The following FAM228B variants were observed in gnomAD, a reference collection of about 807,000 sequenced individuals.
The protein encoded by FAM228B is family with sequence similarity 228 member B.
FAM228B carries 38 observed loss-of-function variants against 42.6 expected under a neutral mutation model. That is an observed-to-expected ratio of 0.89 (90% CI 0.69 to 1.17). FAM228B has a LOEUF of 1.17. FAM228B is among the 50% of genes most tolerant of loss of function. The pLI is 0.00. For synonymous variants in FAM228B, 109 were observed against 122.3 expected (o/e 0.89, Z 0.72); for missense variants, 344 against 367.3 (o/e 0.94, Z 0.52).
chr2:24,123,533 G>T lies in FAM228B; in HGVS notation c.-33G>T, dbSNP rs754154709. On this transcript the variant is annotated splice_region_variant and 5_prime_UTR_variant, in exon 1 of 11. Coordinates refer to ENST00000615575, the MANE Select transcript of FAM228B (RefSeq NM_001145710.2). ...TCGCGCGGCGCTGCGTCCGGGAGAC[G>T]GTGGGCGCCAACATTCGCGCGTTCC... 1 of 152,164 alleles carries T rather than the reference G, an allele frequency of 6.6e-6. No individual in the cohort carries two copies. The highest frequency in any genetic ancestry group is 1.5e-5 in the Non-Finnish European group (1 of 68,026). The allele number at this position is 152,164 out of a possible 1,614,324, so 9.4% of individuals were successfully genotyped here.
intron 2 of FAM228B, among the ~76,000 whole-genome samples, chr2:24,094,888 T>C (rs921462542): frequency 4.6e-5 from 7 of 151,842 alleles, no homozygotes; most frequent in African/African-American, 1.7e-4. Context: ...AGTTCAGGAG[T>C]TGGAGACCAG....
rs1236473184 is a variant in FAM228B at position 24,080,226 on chromosome 2, G to A, written c.-289-650G>A. Among the ~76,000 whole-genome samples the A allele has an allele frequency of 6.6e-6, 1 of 152,020 alleles. No individual in the cohort carries two copies. The highest frequency in any genetic ancestry group is 1.5e-5 in the Non-Finnish European group (1 of 68,004). On this transcript the variant is annotated intron_variant, in intron 1 of 10. Transcript: ENST00000613899. This position sits in a 1 kb window ranked among gnomAD's most constrained non-coding sequence, Gnocchi z 4.7. Reference sequence around the variant, plus strand: ...ACAAAAATTAGCTGGGCGTGGTGGTGCGCCTGTGATCTCAGCTACTCAGGA... The same window carrying A: ...ACAAAAATTAGCTGGGCGTGGTGGTACGCCTGTGATCTCAGCTACTCAGGA...
chr2:24,094,559 A>G (rs921483646), intron 2 of FAM228B, among the ~76,000 whole-genome samples: 1 of 152,046 alleles, frequency 6.6e-6, no homozygotes, highest in Admixed American at 6.6e-5. Context: ...ATCATAACTC[A>G]CTGTAACCTC....
chr2:24,121,883 T>A (rs533920529), upstream of FAM228B, among the ~76,000 whole-genome samples: 29 of 152,360 alleles, frequency 1.9e-4, no homozygotes, highest in African/African-American at 6.5e-4. Flanking sequence ...CTTTCACAGA[T>A]GACCAGTCTT....
intron 2 of FAM228B, among the ~76,000 whole-genome samples, chr2:24,126,210 G>T (rs958842827): frequency 3.3e-5 from 5 of 152,088 alleles, no homozygotes; most frequent in African/African-American, 1.2e-4. Flanking sequence ...TGGGTCATAT[G>T]GTAAATGAAT....
intron 2 of FAM228B, among the ~76,000 whole-genome samples, chr2:24,082,309 C>A (rs957635095): frequency 6.6e-6 from 1 of 152,156 alleles, no homozygotes; most frequent in Non-Finnish European, 1.5e-5. Context: ...GCCACCTTGG[C>A]ATGCCTTATG....
Position 24,163,941 on chromosome 2 carries a change from T to C in FAM228B, c.795-257T>C, listed in dbSNP as rs541899903. On this transcript the variant is annotated intron_variant, in intron 8 of 10. Coordinates refer to ENST00000615575, the MANE Select transcript of FAM228B (RefSeq NM_001145710.2). The stretch of plus-strand genomic sequence containing the variant: ...AGGGAGGGCAAACTGGACAACTCTA[T>C]GAGGGATCATTCACTCCAAAGGACC... Among the ~76,000 whole-genome samples the C allele has an allele frequency of 1.5e-4, 23 of 152,300 alleles. 1 individual carries two copies. The highest frequency in any genetic ancestry group is 5.5e-4 in the African/African-American group (23 of 41,572).
upstream of FAM228B, among the ~76,000 whole-genome samples, chr2:24,120,516 A>G (rs936218030): frequency 3.3e-5 from 5 of 152,184 alleles, no homozygotes; most frequent in Admixed American, 3.3e-4. Flanking sequence ...AATGATTTTC[A>G]TCTCTTTCAT....
In FAM228B at chr2:24,084,384, G is replaced by GGC; in HGVS notation, c.-210+3429_-210+3430insGC. ...GACAGGACAGGGCAGGGCAGGGCAG[G>GGC]ACAGGACAGGGCAGGGCAGGACAGG... On this transcript the variant is annotated intron_variant, in intron 2 of 10. Coordinates refer to the FAM228B transcript ENST00000613899. This position sits in a 1 kb window ranked among gnomAD's most constrained non-coding sequence, Gnocchi z 8.4. The GGC allele has an allele frequency of 7.4e-7, 1 of 1,343,884 alleles. No homozygotes were observed. The highest frequency in any genetic ancestry group is 2.3e-5 in the East Asian group (1 of 43,238). The allele number at this position is 1,343,884 out of a possible 1,614,324, so 83.2% of individuals were successfully genotyped here.
At chr2:24,125,500 C>T (rs1402770628) in intron 2 of FAM228B, among the ~76,000 whole-genome samples, 1 of 151,942 alleles carries the variant, frequency 6.6e-6, no homozygotes, top group East Asian at 1.9e-4. Context: ...TGTTGTAATC[C>T]CTCCCTCACA....
chr2:24,164,565 CACACG>C (rs1667357367), intron 9 of FAM228B, among the ~76,000 whole-genome samples: 1 of 24,380 alleles, frequency 4.1e-5, no homozygotes, highest in Admixed American at 6.3e-4. Flanking sequence ...CTGGTGGAGC[CACACG>C]ATGAGGGTGC....
upstream of FAM228B, chr2:24,122,503 G>A: frequency 6.2e-7 from 1 of 1,613,968 alleles, no homozygotes; most frequent in South Asian, 1.1e-5. Context: ...TTCCCAAGAG[G>A]GTGTCTAACA....
intron 2 of FAM228B, among the ~76,000 whole-genome samples, chr2:24,091,365 G>A (rs1013444872): frequency 1.3e-5 from 2 of 151,834 alleles, no homozygotes; most frequent in African/African-American, 2.4e-5. Context: ...CCCGGGAGGC[G>A]GAGCTTGCAG....
chr2:24,166,054 A>AATATATGTATATATAT (rs1667400563), intron 9 of FAM228B: 1 of 81,030 alleles, frequency 1.2e-5, no homozygotes, highest in Non-Finnish European at 2.4e-5. Flanking sequence ...AAAAAAAAAA[A>AATATATGTATATATAT]ATATATATAT....
At chr2:24,134,757 C>T (rs890370386) in intron 2 of FAM228B, among the ~76,000 whole-genome samples, 6 of 152,208 alleles carry the variant, frequency 3.9e-5, no homozygotes, top group South Asian at 2.1e-4. Flanking sequence ...TTGAGACCAG[C>T]GAGGCCAACA....
chr2:24,086,234 C>CAAAAAAAAAAAAAA (rs57641176), intron 2 of FAM228B, among the ~76,000 whole-genome samples: 5 of 63,938 alleles, frequency 7.8e-5, no homozygotes, highest in African/African-American at 2.4e-4. Flanking sequence ...GACTCCGTCT[C>CAAAAAAAAAAAAAA]AAAAAAAAAA....
At chr2:24,117,624 G>A (rs553321720) in intron 3 of FAM228B, among the ~76,000 whole-genome samples, 31 of 151,960 alleles carry the variant, frequency 2.0e-4, no homozygotes, top group African/African-American at 6.8e-4. Flanking sequence ...TGTATTTTTA[G>A]TAAAGACAGG....
intron 5 of FAM228B, 39 bp from the exon 6 acceptor site, chr2:24,146,709 A>G (rs1438135134): frequency 7.1e-7 from 1 of 1,406,382 alleles, no homozygotes; most frequent in Admixed American, 2.1e-5. Context: ...TACTACTCAG[A>G]CTTGCAACTC....
At chr2:24,121,216 C>T, upstream of FAM228B, 2 of 1,614,116 alleles carry the variant, frequency 1.2e-6, no homozygotes, top group South Asian at 2.2e-5. Flanking sequence ...TAATCTTTTC[C>T]CTTGAAATAC....
Sources: allele counts gnomAD v4.1 joint callset (sites outside exome capture counted in the v4.1 genomes callset), GRCh38; gene constraint gnomAD v4.1.1; non-coding constraint Gnocchi (gnomAD v3.1); transcripts MANE v1.5; gene names NCBI Gene and HGNC (gene_info 2026-07-23, HGNC 2026-07-21).